FNBP1: variants seen among roughly 807,000 people sequenced by gnomAD.
FNBP1 encodes formin-binding protein 1.
A neutral mutation model predicts 90.6 loss-of-function variants in FNBP1; 26 were observed. The observed-to-expected ratio is 0.29, with a 90% CI of 0.21 to 0.40. FNBP1 has a LOEUF of 0.40. Ranked by LOEUF, FNBP1 falls within the 10% of genes least tolerant of loss-of-function variation. The pLI is 1.00. For missense variants in FNBP1, 635 were observed against 768.0 expected, an observed-to-expected ratio of 0.83 and a Z score of 2.05; for synonymous variants, 260 against 265.2, an observed-to-expected ratio of 0.98 and a Z score of 0.19.
the FNBP1 span, among the ~76,000 whole-genome samples, chr9:130,048,251 G>A: frequency 7.2e-6 from 1 of 138,676 alleles, no homozygotes; most frequent in African/African-American, 2.6e-5. Flanking sequence ...AGGAGGCAGA[G>A]GTTGTAGTGA....
At position 130,038,377 on chromosome 9, in the gene FNBP1, C is replaced by G. The variant is rs1251999800; in HGVS notation, c.24+4575G>C. On this transcript the variant is annotated intron_variant, in intron 1 of 16. Coordinates refer to ENST00000446176, the MANE Select transcript of FNBP1 (RefSeq NM_015033.3). ...CCGTCTCAAAAAAAAAAAAAAAAGA[C>G]ATACAATCAACACAGGTGGCTCTTT... Among the ~76,000 whole-genome samples the G allele has an allele frequency of 1.7e-3, 232 of 138,686 alleles. 2 individuals carry two copies. Among genetic ancestry groups the G allele is most frequent in the Non-Finnish European group, 2.0e-3 (126 of 64,194 alleles). The allele number at this position is 138,686 out of a possible 152,430, so 91.0% of individuals were successfully genotyped here. A position where few individuals can be genotyped will look rare whatever the true frequency, so the allele number is the denominator to read the frequency against.
intron 1 of FNBP1, among the ~76,000 whole-genome samples, chr9:130,015,603 A>G (rs990108940): frequency 6.6e-6 from 1 of 152,350 alleles, no homozygotes; most frequent in African/African-American, 2.4e-5. Flanking sequence ...ACTAGGACTG[A>G]ATACTACCAT....
At chr9:130,047,920 G>A (rs886659391), upstream of FNBP1, among the ~76,000 whole-genome samples, 5 of 152,062 alleles carry the variant, frequency 3.3e-5, no homozygotes, top group African/African-American at 1.2e-4. Flanking sequence ...AAGCAGATAG[G>A]GTTTTGAAAT....
In FNBP1 at chr9:129,895,981, GTTCC is replaced by G; in HGVS notation, c.1699_1702del (p.Gly567ArgfsTer4). On this transcript the variant is annotated frameshift_variant, in exon 16 of 17. Coordinates refer to ENST00000446176, the MANE Select transcript of FNBP1 (RefSeq NM_015033.3). LOFTEE classifies it high-confidence loss of function. ...TGTTTCTCCTTCAACTACGGAAATC[GTTCC>G]TTCATTCTGACCTGAAAAAGCAATA... The G allele has an allele frequency of 6.2e-7, 1 of 1,608,620 alleles. No homozygotes were observed. Among genetic ancestry groups the G allele is most frequent in the African/African-American group, 1.3e-5 (1 of 74,576 alleles).
At chr9:129,907,995 G>C (rs10739765) in intron 12 of FNBP1, among the ~76,000 whole-genome samples, 1 of 151,572 alleles carries the variant, frequency 6.6e-6, no homozygotes, top group South Asian at 2.1e-4. Flanking sequence ...CCAAAGTGCT[G>C]GGATTACAGG....
intron 4 of FNBP1, among the ~76,000 whole-genome samples, chr9:129,971,454 G>A (rs538075831): frequency 8.2e-4 from 124 of 151,852 alleles, no homozygotes; most frequent in African/African-American, 2.8e-3. Context: ...GCAGTGGTGC[G>A]ATCTCAGCTC....
At position 130,042,755 on chromosome 9, in the gene FNBP1, G is replaced by T. The variant is rs1349455253; in HGVS notation, c.24+197C>A. Among the ~76,000 whole-genome samples the T allele has an allele frequency of 6.6e-6, 1 of 151,740 alleles. No homozygotes were observed. The highest frequency in any genetic ancestry group is 1.5e-5 in the Non-Finnish European group (1 of 67,892). The stretch of plus-strand genomic sequence containing the variant: ...GCACCAACTCCCCTCGCCTCCGAAG[G>T]ACAAGCCGGCCCGCACCTCCTGCTC... On this transcript the variant is annotated intron_variant, in intron 1 of 16. Transcript: ENST00000446176. The surrounding 1 kb of genome is among the most constrained non-coding windows in gnomAD (Gnocchi z 5.5).
At chr9:130,029,715 G>C (rs976048184) in intron 1 of FNBP1, among the ~76,000 whole-genome samples, 1 of 152,130 alleles carries the variant, frequency 6.6e-6, no homozygotes, top group Non-Finnish European at 1.5e-5. Flanking sequence ...CAAGTGCAGC[G>C]GCTCACACCT....
intron 1 of FNBP1, among the ~76,000 whole-genome samples, chr9:130,021,440 CT>C (rs1360646887): frequency 2.0e-5 from 3 of 152,212 alleles, no homozygotes. Flanking sequence ...CTTCAGCTTA[CT>C]TCTCCCACGT....
intron 1 of FNBP1, among the ~76,000 whole-genome samples, chr9:130,033,511 C>T (rs866462220): frequency 6.6e-6 from 1 of 152,140 alleles, no homozygotes; most frequent in South Asian, 2.1e-4. Context: ...GAAAGTGTTT[C>T]GTTTCTTGTT....
chr9:129,946,493 G>A (rs1043933972), intron 6 of FNBP1, among the ~76,000 whole-genome samples: 5 of 152,148 alleles, frequency 3.3e-5, no homozygotes, highest in Admixed American at 2.0e-4. Context: ...CTCTCGCACT[G>A]TATAGAGAGC....
intron 1 of FNBP1, among the ~76,000 whole-genome samples, chr9:130,018,259 G>C (rs1050598980): frequency 6.6e-6 from 1 of 151,860 alleles, no homozygotes; most frequent in South Asian, 2.1e-4. Context: ...TTTAAAGTGT[G>C]TGTGTGTGTG....
intron 12 of FNBP1, among the ~76,000 whole-genome samples, chr9:129,905,294 G>GTATATATATATATA (rs56217495): frequency 0.017 from 2,220 of 132,204 alleles, 29 homozygotes; most frequent in East Asian, 0.072. Flanking sequence ...GTGTGTGTGT[G>GTATATATATATATA]TATATATATA....
intron 10 of FNBP1, among the ~76,000 whole-genome samples, chr9:129,919,555 G>C (rs1347664592): frequency 6.6e-6 from 1 of 152,096 alleles, no homozygotes; most frequent in East Asian, 1.9e-4. Flanking sequence ...TAATGTTCTG[G>C]CGGCATCTCT....
intron 6 of FNBP1, among the ~76,000 whole-genome samples, chr9:129,935,502 T>A (rs1396545901): frequency 6.6e-6 from 1 of 150,702 alleles, no homozygotes; most frequent in Non-Finnish European, 1.5e-5. Context: ...TTTCTTTTTC[T>A]ATTGAGATGG....
In FNBP1 at chr9:129,931,490, C is replaced by A. The variant is rs576346222; in HGVS notation, c.514-1795G>T. 3.3e-5 allele frequency among the ~76,000 whole-genome samples: 5 copies of A among 152,014 alleles called. No homozygotes were observed. The East Asian group carries it at 7.8e-4, about 24-fold the overall frequency. ...GTGTGGTGGTGGGTGCCTGTAGTCC[C>A]AGCTACTCGGGAGGCTGAGGCACGA... is the stretch of plus-strand genomic sequence containing the variant. On this transcript the variant is annotated intron_variant, in intron 6 of 16. Coordinates refer to ENST00000446176, the MANE Select transcript of FNBP1 (RefSeq NM_015033.3).
At chr9:130,007,991 C>T (rs1298596462) in intron 1 of FNBP1, among the ~76,000 whole-genome samples, 2 of 97,162 alleles carry the variant, frequency 2.1e-5, no homozygotes, top group African/African-American at 8.1e-5. Context: ...GAGTGAGACT[C>T]TGTCTCAAAA....
At chr9:129,891,337 G>A (rs2035084473) in intron 16 of FNBP1, among the ~76,000 whole-genome samples, 1 of 152,066 alleles carries the variant, frequency 6.6e-6, no homozygotes, top group Non-Finnish European at 1.5e-5. Context: ...GTTGGCATGC[G>A]CCTGTAGTCC....
At chr9:130,002,408 C>T (rs1353753352) in intron 1 of FNBP1, among the ~76,000 whole-genome samples, 2 of 152,076 alleles carry the variant, frequency 1.3e-5, no homozygotes, top group Admixed American at 6.6e-5. Context: ...TGGGTCATGG[C>T]GGCAGATCCT....
Sources: gnomAD v4.1 joint callset for allele counts (sites outside exome capture counted in the v4.1 genomes callset) on GRCh38, gnomAD v4.1.1 for gene constraint, Gnocchi (gnomAD v3.1) non-coding constraint, MANE v1.5 for transcripts, NCBI Gene and HGNC (gene_info 2026-07-23, HGNC 2026-07-21) for gene names.